Variants in BCAS3 observed in about 807,000 individuals in gnomAD.
BCAS3 encodes the protein BCAS3 microtubule associated cell migration factor.
In BCAS3, 53 loss-of-function variants were observed where a neutral mutation model predicts 116.1. The observed-to-expected ratio is 0.46, with a 90% CI of 0.37 to 0.57. The LOEUF (loss-of-function observed/expected upper bound fraction) is 0.57. Among genes scored for constraint, BCAS3 ranks in the 20% least tolerant of loss-of-function variants. The pLI, the probability that BCAS3 is intolerant of heterozygous loss-of-function variation, is 0.00. For missense variants in BCAS3, 917 were observed against 1,165.4 expected, an observed-to-expected ratio of 0.79 and a Z score of 3.10; for synonymous variants, 391 against 408.2, an observed-to-expected ratio of 0.96 and a Z score of 0.51.
rs548753746 is a variant in BCAS3 at position 61,286,067 on chromosome 17, A to T, written c.2426-82260A>T. ...CCAGAAACATTTCATAAAGGAAACA[A>T]CTGGTGGGAAGTTTTTTCCAGAGAG... is the stretch of plus-strand genomic sequence containing the variant. On this transcript the variant is annotated intron_variant, in intron 22 of 23. Transcript: ENST00000407086. The surrounding 1 kb of genome is among the most constrained non-coding windows in gnomAD (Gnocchi z 4.8). 1.3e-5 allele frequency among the ~76,000 whole-genome samples: 2 copies of T among 152,318 alleles called. No homozygotes were observed. The highest frequency in any genetic ancestry group is 3.9e-4 in the East Asian group (2 of 5,190).
intron 22 of BCAS3, among the ~76,000 whole-genome samples, chr17:61,273,923 T>C (rs116636578): frequency 0.021 from 3,148 of 150,498 alleles, 95 homozygotes; most frequent in African/African-American, 0.068. Context: ...CTTTTTTTTT[T>C]CCCCCACTGG....
intron 23 of BCAS3, among the ~76,000 whole-genome samples, chr17:61,370,900 G>T (rs1302218436): frequency 6.6e-6 from 1 of 152,158 alleles, no homozygotes. Context: ...GTGCAACGTG[G>T]GTAAGAATTT....
At chr17:60,755,650 CATT>C (rs1470902326) in intron 6 of BCAS3, among the ~76,000 whole-genome samples, 6 of 152,072 alleles carry the variant, frequency 3.9e-5, no homozygotes, top group Non-Finnish European at 8.8e-5. Context: ...ATTAATTTAA[CATT>C]ATTAGTTGAG....
chr17:61,042,281 A>G (rs1001406021), intron 19 of BCAS3, among the ~76,000 whole-genome samples: 1 of 152,096 alleles, frequency 6.6e-6, no homozygotes, highest in Non-Finnish European at 1.5e-5. Context: ...CAGAGTTAAT[A>G]TTGTGTTTTG....
rs1295402377 is a variant in BCAS3 at position 61,347,924 on chromosome 17, A to G, written c.2426-20403A>G. Among the ~76,000 whole-genome samples the G allele has an allele frequency of 2.6e-5, 4 of 152,216 alleles. No individual in the cohort carries two copies. Among genetic ancestry groups the G allele is most frequent in the Admixed American group, 2.0e-4 (3 of 15,288 alleles). ...CGTTCAGAGTCTGGAAAGCTGCTAG[A>G]GGCCAGATGATAGACAGTTGTGCTA... On this transcript the variant is annotated intron_variant, in intron 22 of 23. Coordinates refer to ENST00000407086, the MANE Select transcript of BCAS3 (RefSeq NM_017679.5). This position sits in a 1 kb window ranked among gnomAD's most constrained non-coding sequence, Gnocchi z 4.3.
At chr17:61,353,048 G>A (rs1028900163) in intron 22 of BCAS3, among the ~76,000 whole-genome samples, 1 of 152,022 alleles carries the variant, frequency 6.6e-6, no homozygotes, top group Non-Finnish European at 1.5e-5. Context: ...GTGGGGAGAG[G>A]GAGGAGAGGA....
At chr17:60,969,084 A>C (rs2061815669) in intron 14 of BCAS3, among the ~76,000 whole-genome samples, 1 of 150,928 alleles carries the variant, frequency 6.6e-6, no homozygotes, top group African/African-American at 2.4e-5. Flanking sequence ...CTTACCATTC[A>C]CTCTGAGGTT....
intron 7 of BCAS3, among the ~76,000 whole-genome samples, chr17:60,812,045 C>A (rs59294009): frequency 0.045 from 6,667 of 148,826 alleles, 388 homozygotes; most frequent in African/African-American, 0.14. Flanking sequence ...AGAGTGAGAC[C>A]CAGTCTCAAA....
chr17:60,995,063 C>T lies in BCAS3; in HGVS notation c.1486+4828C>T, dbSNP rs973130955. Among the ~76,000 whole-genome samples, 3 of 152,106 alleles carry T rather than the reference C, an allele frequency of 2.0e-5. No individual in the cohort carries two copies. The highest frequency in any genetic ancestry group is 7.2e-5 in the African/African-American group (3 of 41,408). ...CGCCATCTCGGCTCACTGCAAGCTC[C>T]GCCTCCTGGGTTCAAGCGATTCTCC... On this transcript the variant is annotated intron_variant, in intron 15 of 23. Transcript: ENST00000407086. This position sits in a 1 kb window ranked among gnomAD's most constrained non-coding sequence, Gnocchi z 4.7.
Position 61,131,610 on chromosome 17 carries a change from C to G in BCAS3, c.2425+47046C>G, listed in dbSNP as rs1239829180. 6.6e-6 allele frequency among the ~76,000 whole-genome samples: 1 copy of G among 152,218 alleles called. No individual in the cohort carries two copies. Among genetic ancestry groups the G allele is most frequent in the Non-Finnish European group, 1.5e-5 (1 of 68,034 alleles). On this transcript the variant is annotated intron_variant, in intron 22 of 23. Transcript: ENST00000407086. The surrounding 1 kb of genome is among the most constrained non-coding windows in gnomAD (Gnocchi z 4.4). ...AATTTATTTCTCCATAAAGGCCTTT[C>G]TTCCTTGAGGTCTGTGAGCCTCCAG...
At chr17:60,881,683 A>G (rs904133494) in intron 9 of BCAS3, among the ~76,000 whole-genome samples, 3 of 147,858 alleles carry the variant, frequency 2.0e-5, no homozygotes, top group African/African-American at 7.5e-5. Flanking sequence ...GAGTGAGAAT[A>G]TGCGGTGTTT....
In BCAS3 at chr17:60,918,064, G is replaced by T. The variant is rs958286141; in HGVS notation, c.994-6343G>T. Among the ~76,000 whole-genome samples, 34 of 152,100 alleles carry T rather than the reference G, an allele frequency of 2.2e-4. 1 individual carries two copies. Among genetic ancestry groups the T allele is most frequent in the Admixed American group, 2.2e-3 (33 of 15,252 alleles). On this transcript the variant is annotated intron_variant, in intron 12 of 23. Transcript: ENST00000407086. ...TACCAAGCTATTTTTCACAGTGGCT[G>T]GACCATTTTAAATTCCCACCAGTGA...
chr17:60,718,499 A>G (rs1328541162), intron 5 of BCAS3, among the ~76,000 whole-genome samples: 2 of 152,112 alleles, frequency 1.3e-5, no homozygotes, highest in African/African-American at 4.8e-5. Context: ...CAGTGATGCT[A>G]TCTTTGCTCA....
At chr17:60,747,388 TC>T in intron 6 of BCAS3, 109 bp downstream of exon 6, 1 of 834,962 alleles carries the variant, frequency 1.2e-6, no homozygotes, top group Non-Finnish European at 1.9e-6. Context: ...CCTCCAAGTG[TC>T]CATTCCCCTT....
At position 61,352,098 on chromosome 17, in the gene BCAS3, G is replaced by C. The variant is rs530802444; in HGVS notation, c.2426-16229G>C. 6.6e-6 allele frequency among the ~76,000 whole-genome samples: 1 copy of C among 152,152 alleles called. No homozygotes were observed. Among genetic ancestry groups the C allele is most frequent in the South Asian group, 2.1e-4 (1 of 4,830 alleles). ...TTCTAGTAGTTTTTCAACCCTAAAGGCATTTCTAAAACTAAAATGAAACAG... is the reference window on the plus strand; with the variant it reads ...TTCTAGTAGTTTTTCAACCCTAAAGCCATTTCTAAAACTAAAATGAAACAG... On this transcript the variant is annotated intron_variant, in intron 22 of 23. Transcript: ENST00000407086. The surrounding 1 kb of genome is among the most constrained non-coding windows in gnomAD (Gnocchi z 4.7).
rs143591456 is a variant in BCAS3, at chr17:61,235,171, A to C, written c.2426-133156A>C. Reference sequence around the variant, plus strand: ...CAAAGTGCTGGGATTATAGGCGTGAACCACCACGCCTGGCTGTCTGCCCCC... The same window carrying C: ...CAAAGTGCTGGGATTATAGGCGTGACCCACCACGCCTGGCTGTCTGCCCCC... On this transcript the variant is annotated intron_variant, in intron 22 of 23. Transcript: ENST00000407086. The surrounding 1 kb of genome is among the most constrained non-coding windows in gnomAD (Gnocchi z 5.0). Among the ~76,000 whole-genome samples, 3 of 152,204 alleles carry C rather than the reference A, an allele frequency of 2.0e-5. No homozygotes were observed. Among genetic ancestry groups the C allele is most frequent in the African/African-American group, 7.2e-5 (3 of 41,546 alleles).
intron 22 of BCAS3, among the ~76,000 whole-genome samples, chr17:61,236,532 G>A (rs1308447267): frequency 6.6e-6 from 1 of 152,106 alleles, no homozygotes; most frequent in African/African-American, 2.4e-5. Flanking sequence ...GTGTTAGCCA[G>A]GGTGGTCTCG....
intron 22 of BCAS3, among the ~76,000 whole-genome samples, chr17:61,250,310 T>A (rs2144542994): frequency 6.6e-6 from 1 of 152,230 alleles, no homozygotes; most frequent in African/African-American, 2.4e-5. Context: ...ATGAGAAGAT[T>A]TATAAACAAC....
chr17:61,049,961 T>C (rs2068708438), intron 19 of BCAS3, among the ~76,000 whole-genome samples: 1 of 151,904 alleles, frequency 6.6e-6, no homozygotes, highest in Admixed American at 6.6e-5. Context: ...CTCAAACTCC[T>C]GACCTCAGAT....
Sources: gnomAD v4.1 joint callset for allele counts (sites outside exome capture counted in the v4.1 genomes callset) on GRCh38, gnomAD v4.1.1 for gene constraint, Gnocchi (gnomAD v3.1) non-coding constraint, MANE v1.5 for transcripts, NCBI Gene and HGNC (gene_info 2026-07-23, HGNC 2026-07-21) for gene names.